LRRC8E: variants seen among roughly 807,000 people sequenced by gnomAD.
LRRC8E encodes leucine rich repeat containing 8 VRAC subunit E.
Under a neutral mutation model 6.1 loss-of-function variants are expected in LRRC8E, and 6 were observed. The ratio of observed to expected loss-of-function variants is 0.98; its 90% confidence interval spans 0.54 to 1.93. The LOEUF is 1.93. LRRC8E is among the 30% of genes most tolerant of loss of function. LRRC8E has a pLI of 0.01. For missense variants in LRRC8E, 1,028 were observed against 1,031.4 expected (o/e 1.00, Z 0.04); for synonymous variants, 485 against 472.8 (o/e 1.03, Z -0.33).
intron 2 of LRRC8E, among the ~76,000 whole-genome samples, chr19:7,897,490 T>TG (rs1427994905): frequency 4.0e-5 from 6 of 150,652 alleles, no homozygotes; most frequent in African/African-American, 1.2e-4. Context: ...GACAGTTTTT[T>TG]TTTTTTTTTT....
chr19:7,899,230 G>C lies in LRRC8E; in HGVS notation c.708G>C (p.Glu236Asp). Residue 236 changes from glutamate to aspartate, a missense_variant, in exon 3 of 3, where the codon GAG (glutamate) becomes GAC (aspartate). Transcript: ENST00000306708. ...GTGAGCAAGCCAAAGCCCTGTTTGA[G>C]AAGGTGAAGAAGTTCCGCATGCACG... is the stretch of plus-strand genomic sequence containing the variant. ...KEGEQAKALF[E>D]KVKKFRMHVE... 6.2e-7 allele frequency: 1 copy of C among 1,614,190 alleles called. No homozygotes were observed. The highest frequency in any genetic ancestry group is 8.5e-7 in the Non-Finnish European group (1 of 1,180,036).
intron 2 of LRRC8E, among the ~76,000 whole-genome samples, chr19:7,897,535 T>C (rs1005350625): frequency 6.9e-6 from 1 of 145,362 alleles, no homozygotes; most frequent in Non-Finnish European, 1.5e-5. Flanking sequence ...TGGAGTGCAG[T>C]GGCGCAATAA....
At chr19:7,896,551 G>A (rs1981605773) in intron 2 of LRRC8E, among the ~76,000 whole-genome samples, 1 of 150,988 alleles carries the variant, frequency 6.6e-6, no homozygotes, top group Middle Eastern at 3.2e-3. Flanking sequence ...TCCAGCCTGG[G>A]TGACAGAACG....
Position 7,899,783 on chromosome 19 carries a change from C to T in LRRC8E, c.1261C>T (p.Leu421=), listed in dbSNP as rs866166884. 6.2e-7 allele frequency: 1 copy of T among 1,609,766 alleles called. No individual in the cohort carries two copies. The highest frequency in any genetic ancestry group is 1.6e-4 in the Middle Eastern group (1 of 6,062). ...LQRNAAGRLE[L]ALCMLPGLPD... ...GCGCAATGCCGCGGGCCGGCTGGAG[C>T]TGGCCCTCTGCATGCTGCCGGGTCT... The change falls in exon 3 of 3, where the codon CTG becomes TTG. Residue 421 remains leucine, a synonymous_variant. Transcript: ENST00000306708.
intron 1 of LRRC8E, among the ~76,000 whole-genome samples, chr19:7,889,063 G>A (rs1165611795): frequency 1.3e-5 from 2 of 152,038 alleles, no homozygotes; most frequent in African/African-American, 4.8e-5. Context: ...AAAACCACTC[G>A]GCTGGGAATC....
intron 1 of LRRC8E, among the ~76,000 whole-genome samples, chr19:7,890,740 G>A (rs1277241940): frequency 2.0e-5 from 3 of 150,936 alleles, no homozygotes; most frequent in African/African-American, 4.9e-5. Context: ...AGTGAGCCGA[G>A]ATCACACCAC....
chr19:7,900,178 T>C lies in LRRC8E; in HGVS notation c.1656T>C (p.Ser552=). 3 of 1,613,052 alleles carry C rather than the reference T, an allele frequency of 1.9e-6. No individual in the cohort carries two copies. The highest frequency in any genetic ancestry group is 2.5e-6 in the Non-Finnish European group (3 of 1,179,918). Residue 552 remains serine (S), a synonymous_variant, in exon 3 of 3, where the codon AGT becomes AGC. Transcript: ENST00000306708. This position sits in a 1 kb window ranked among gnomAD's most constrained non-coding sequence, Gnocchi z 5.0. ...LRSNAGKVPA[S]VTDVAGHLQR... ...GCAACGCCGGGAAGGTGCCAGCCAG[T>C]GTGACCGACGTTGCTGGCCACCTGC...
rs1038948274 is a variant in LRRC8E, at chr19:7,899,125, T to C, written c.603T>C (p.Gly201=). 6.2e-7 allele frequency: 1 copy of C among 1,609,298 alleles called. No individual in the cohort carries two copies. The highest frequency in any genetic ancestry group is 1.3e-5 in the African/African-American group (1 of 74,082). Reference sequence around the variant, plus strand: ...CCGGGCCGGGGAAGGCAGGGGAGGGTGAGAAGGAGAAAGTGCTGGCGGAAC... The same window carrying C: ...CCGGGCCGGGGAAGGCAGGGGAGGGCGAGAAGGAGAAAGTGCTGGCGGAAC... ...AGTGPGKAGE[G]EKEKVLAEPE... The change falls in exon 3 of 3, where the codon GGT becomes GGC. Residue 201 remains glycine, a synonymous_variant. Coordinates refer to ENST00000306708, the MANE Select transcript of LRRC8E (RefSeq NM_025061.6).
chr19:7,898,844 G>C lies in LRRC8E; in HGVS notation c.322G>C (p.Glu108Gln). 3 of 1,614,228 alleles carry C rather than the reference G, an allele frequency of 1.9e-6. No individual in the cohort carries two copies. Among genetic ancestry groups the C allele is most frequent in the Non-Finnish European group, 2.5e-6 (3 of 1,180,042 alleles). The change falls in exon 3 of 3, where the codon GAG becomes CAG. Residue 108 changes from glutamate to glutamine, a missense_variant. Coordinates refer to ENST00000306708, the MANE Select transcript of LRRC8E (RefSeq NM_025061.6). ...CAGCTTTATTAACCAGCTGTGTTAT[G>C]AGACGGCCCTGCACTGGTATGCCAA... ...QYSFINQLCY[E>Q]TALHWYAKYF...
intron 2 of LRRC8E, among the ~76,000 whole-genome samples, chr19:7,897,296 A>C (rs1981648711): frequency 6.6e-6 from 1 of 151,558 alleles, no homozygotes. Context: ...TAGCCTCCCA[A>C]GTAGCTGGGA....
chr19:7,891,444 T>C (rs1004245082), intron 1 of LRRC8E, among the ~76,000 whole-genome samples: 2 of 152,174 alleles, frequency 1.3e-5, no homozygotes, highest in Middle Eastern at 3.4e-3. Flanking sequence ...GCTGCCTTCT[T>C]GTCTGCGATT....
chr19:7,898,650 T>C lies in LRRC8E; in HGVS notation c.139-11T>C, dbSNP rs1253125633. The C allele has an allele frequency of 1.9e-6, 3 of 1,585,372 alleles. No homozygotes were observed. Among genetic ancestry groups the C allele is most frequent in the Non-Finnish European group, 2.6e-6 (3 of 1,163,278 alleles). ...CTAGGATTACAGCCCTCATTCTCTT[T>C]TGCTCCTCAGGTGACACAGGACAAG... On this transcript the variant is annotated splice_polypyrimidine_tract_variant and intron_variant, in intron 2 of 2. Coordinates refer to ENST00000306708, the MANE Select transcript of LRRC8E (RefSeq NM_025061.6).
At position 7,900,806 on chromosome 19, in the gene LRRC8E, G is replaced by A. The variant is rs1009068174; in HGVS notation, c.2284G>A (p.Glu762Lys). 12 of 1,598,632 alleles carry A rather than the reference G, an allele frequency of 7.5e-6. No homozygotes were observed. Among genetic ancestry groups the A allele is most frequent in the African/African-American group, 1.3e-5 (1 of 74,350 alleles). ...LKGNRLEALP[E>K]ELGNCGGLKK... is the part of the protein sequence containing the mutation. Reference sequence around the variant, plus strand: ...AGGCAACCGCTTAGAGGCGCTGCCAGAAGAACTTGGCAACTGTGGGGGGCT... The same window carrying A: ...AGGCAACCGCTTAGAGGCGCTGCCAAAAGAACTTGGCAACTGTGGGGGGCT... The change falls in exon 3 of 3, where the codon GAA becomes AAA. Residue 762 changes from glutamate (E) to lysine (K), a missense_variant. Glu to Lys is a moderately conservative substitution (Grantham distance 56). Transcript: ENST00000306708. This position sits in a 1 kb window ranked among gnomAD's most constrained non-coding sequence, Gnocchi z 5.0.
rs374086621 is a variant in LRRC8E, at chr19:7,899,512, G to A, written c.990G>A (p.Thr330=). The A allele has an allele frequency of 5.6e-6, 9 of 1,613,828 alleles. No individual in the cohort carries two copies. The Admixed American group carries it at 6.7e-5, about 12-fold the overall frequency. ...TCTACGGACTTACCTGCATCTACAC[G>A]CTCTACTGGCTCTTCCACCGGCCCC... is the stretch of plus-strand genomic sequence containing the variant. The part of the protein sequence containing the change: ...VCIYGLTCIY[T]LYWLFHRPLK... Residue 330 remains threonine (T), a synonymous_variant, in exon 3 of 3, where the codon ACG becomes ACA. Transcript: ENST00000306708.
chr19:7,890,492 G>A (rs548008579), intron 1 of LRRC8E, among the ~76,000 whole-genome samples: 8 of 152,158 alleles, frequency 5.3e-5, no homozygotes, highest in Admixed American at 4.6e-4. Context: ...CTGGGTTCAA[G>A]AGATTCTCCT....
intron 1 of LRRC8E, among the ~76,000 whole-genome samples, chr19:7,892,368 G>A (rs992687710): frequency 4.6e-5 from 7 of 151,934 alleles, no homozygotes; most frequent in East Asian, 1.9e-4. Flanking sequence ...CACCGCACCC[G>A]GCCCAAATTT....
intron 1 of LRRC8E, among the ~76,000 whole-genome samples, chr19:7,891,164 A>G (rs1981288138): frequency 6.6e-6 from 1 of 152,164 alleles, no homozygotes; most frequent in Non-Finnish European, 1.5e-5. Context: ...AAAGTCTCCG[A>G]CATCCACGCT....
intron 2 of LRRC8E, among the ~76,000 whole-genome samples, chr19:7,896,875 G>A (rs921153899): frequency 1.1e-4 from 17 of 152,008 alleles, no homozygotes; most frequent in African/African-American, 4.1e-4. Flanking sequence ...GATTACAGGT[G>A]TGAGCCACTG....
chr19:7,893,393 G>A (rs982872560), intron 1 of LRRC8E, among the ~76,000 whole-genome samples: 6 of 151,638 alleles, frequency 4.0e-5, no homozygotes, highest in Non-Finnish European at 7.4e-5. Flanking sequence ...TGCCCACCTC[G>A]GCCTCCCAAA....
Sources: gnomAD v4.1 joint callset for allele counts (sites outside exome capture counted in the v4.1 genomes callset) on GRCh38, gnomAD v4.1.1 for gene constraint, Gnocchi (gnomAD v3.1) non-coding constraint, MANE v1.5 for transcripts, NCBI Gene and HGNC (gene_info 2026-07-23, HGNC 2026-07-21) for gene names.